TTPA: variants seen among roughly 807,000 people sequenced by gnomAD.
The protein encoded by TTPA is alpha-tocopherol transfer protein.
A neutral mutation model predicts 25.9 loss-of-function variants in TTPA; 23 were observed. The ratio of observed to expected loss-of-function variants is 0.89; its 90% CI spans 0.64 to 1.26. The LOEUF (loss-of-function observed/expected upper bound fraction) is 1.26. TTPA is among the 50% of genes most tolerant of loss of function. The pLI, the probability that TTPA is intolerant of heterozygous loss-of-function variation, is 0.00. For missense variants in TTPA, 337 were observed against 353.1 expected, an observed-to-expected ratio of 0.95 and a Z score of 0.37; for synonymous variants, 148 against 137.3, an observed-to-expected ratio of 1.08 and a Z score of -0.54.
intron 1 of TTPA, among the ~76,000 whole-genome samples, chr8:63,084,855 T>C (rs774751709): frequency 2.2e-4 from 33 of 152,382 alleles, no homozygotes; most frequent in Middle Eastern, 6.8e-3. Context: ...AGCCATTCTT[T>C]TGTTTCTTTA....
intron 1 of TTPA, among the ~76,000 whole-genome samples, chr8:63,084,757 G>A (rs35620994): frequency 0.16 from 23,836 of 152,074 alleles, 2,160 homozygotes; most frequent in Non-Finnish European, 0.21. Context: ...TACTTTTCAC[G>A]TTTTAGGATT....
chr8:63,076,862 A>G (rs1805569600), intron 1 of TTPA, among the ~76,000 whole-genome samples: 1 of 152,144 alleles, frequency 6.6e-6, no homozygotes, highest in Admixed American at 6.5e-5. Flanking sequence ...ATAGCCATCT[A>G]AAAAATGAAA....
At chr8:63,069,821 G>C (rs1805456615) in intron 2 of TTPA, among the ~76,000 whole-genome samples, 1 of 152,026 alleles carries the variant, frequency 6.6e-6, no homozygotes, top group South Asian at 2.1e-4. Flanking sequence ...GTCTATTGTA[G>C]AACAGTTTCA....
chr8:63,064,194 T>G lies in TTPA; in HGVS notation c.663+12A>C. The stretch of plus-strand genomic sequence containing the variant: ...GTGTAGAGGAACACAGACTTGAATA[T>G]ATTTTACTCACCCGTTCCTTAATTT... On this transcript the variant is annotated intron_variant, in intron 4 of 4. Transcript: ENST00000260116. 6.3e-7 allele frequency: 1 copy of G among 1,583,206 alleles called. No homozygotes were observed. Among genetic ancestry groups the G allele is most frequent in the Non-Finnish European group, 8.7e-7 (1 of 1,153,392 alleles).
intron 1 of TTPA, among the ~76,000 whole-genome samples, chr8:63,083,635 TA>T (rs11294384): frequency 0.31 from 43,193 of 138,326 alleles, 6,703 homozygotes; most frequent in South Asian, 0.57. Context: ...TAAAGTATAA[TA>T]AAAAAAAAAA....
In TTPA at chr8:63,061,227, G is replaced by A. The variant is rs749637195; in HGVS notation, c.*25C>T. ...ATATCACTCATGTATTTTTAGTTAG[G>A]AAGCCATTCACATGACATAACTTCT... On this transcript the variant is annotated 3_prime_UTR_variant, in exon 5 of 5. Coordinates refer to ENST00000260116, the MANE Select transcript of TTPA (RefSeq NM_000370.3). The A allele has an allele frequency of 1.1e-5, 17 of 1,609,358 alleles. No homozygotes were observed. Among genetic ancestry groups the A allele is most frequent in the Non-Finnish European group, 1.4e-5 (17 of 1,177,790 alleles).
Position 63,066,062 on chromosome 8 carries a change from C to T in TTPA, c.394G>A (p.Val132Ile), listed in dbSNP as rs555775890. The T allele has an allele frequency of 2.6e-5, 42 of 1,610,124 alleles. No homozygotes were observed. The highest frequency in any genetic ancestry group is 1.1e-4 in the South Asian group (10 of 90,842). The change falls in exon 3 of 5, where the codon GTA becomes ATA. Residue 132 changes from valine to isoleucine, a missense_variant. Val to Ile is a conservative substitution (Grantham distance 29, BLOSUM62 3). Transcript: ENST00000260116. ...GATGTGATTAGACTTACTCGAAATA[C>T]GTCATAAGCTGTAAAAACTTTGGGG... ...WDPKVFTAYDVFRVSLITSEL... is the reference protein window; with the variant it reads ...WDPKVFTAYDIFRVSLITSEL...
rs1805272319 is a variant in TTPA at position 63,059,798 on chromosome 8, T to TTATTTC, written c.*1453_*1454insGAAATA. The TTATTTC allele has an allele frequency of 6.6e-6, 1 of 152,086 alleles. No homozygotes were observed. Among genetic ancestry groups the TTATTTC allele is most frequent in the South Asian group, 2.1e-4 (1 of 4,828 alleles). 9.4% of individuals were successfully genotyped at this position (152,086 alleles called of 1,614,324 possible). Reference sequence around the variant, plus strand: ...TATTTATTTATTTTTATTTTTATTTTTTAATTTTTTTTGAGAACACATGGA... The same window carrying TTATTTC: ...TATTTATTTATTTTTATTTTTATTTTTATTTCTTAATTTTTTTTGAGAACACATGGA... On this transcript the variant is annotated 3_prime_UTR_variant, in exon 5 of 5. Coordinates refer to ENST00000260116, the MANE Select transcript of TTPA (RefSeq NM_000370.3).
chr8:63,080,429 C>T (rs142891778), intron 1 of TTPA, among the ~76,000 whole-genome samples: 2,595 of 152,174 alleles, frequency 0.017, 80 homozygotes, highest in African/African-American at 0.06. Flanking sequence ...GCTAGCAAGA[C>T]TAATAAAGAA....
intron 1 of TTPA, among the ~76,000 whole-genome samples, chr8:63,079,782 A>G (rs1280746457): frequency 1.3e-5 from 2 of 152,168 alleles, no homozygotes; most frequent in Non-Finnish European, 2.9e-5. Context: ...GTTAACGAGG[A>G]TATCCAGGAC....
intron 1 of TTPA, among the ~76,000 whole-genome samples, chr8:63,079,258 G>A (rs1585694671): frequency 6.6e-6 from 1 of 152,300 alleles, no homozygotes; most frequent in Non-Finnish European, 1.5e-5. Context: ...TCAATGCTAT[G>A]AAGCAACTGC....
chr8:63,069,815 A>G (rs1423238690), intron 2 of TTPA, among the ~76,000 whole-genome samples: 1 of 152,130 alleles, frequency 6.6e-6, no homozygotes, highest in Non-Finnish European at 1.5e-5. Context: ...AATAGTGTCT[A>G]TTGTAGAACA....
chr8:63,066,926 A>G (rs1805399836), intron 2 of TTPA, among the ~76,000 whole-genome samples: 1 of 152,104 alleles, frequency 6.6e-6, no homozygotes, highest in African/African-American at 2.4e-5. Context: ...AATAGAAGCC[A>G]GGTGCAGGTG....
intron 2 of TTPA, among the ~76,000 whole-genome samples, chr8:63,067,002 G>T (rs1197147229): frequency 6.6e-6 from 1 of 151,892 alleles, no homozygotes; most frequent in Non-Finnish European, 1.5e-5. Context: ...GAACACTGAA[G>T]CCCAGGAGTT....
rs1805301336 is a variant in TTPA, at chr8:63,061,257, G to A, written c.832C>T (p.Gln278Ter). ...CATTCACATGACATAACTTCTCATTGAATGCTCTCAGAAATGCTGCTGAGA... is the reference window on the plus strand; with the variant it reads ...CATTCACATGACATAACTTCTCATTAAATGCTCTCAGAAATGCTGCTGAGA... The part of the protein sequence containing the change: ...DYLSSISESI[Q>*] The change falls in exon 5 of 5, where the codon CAA (glutamine) becomes TAA (stop). Residue 278 changes from glutamine to a stop codon, truncating the protein, a stop_gained. Coordinates refer to ENST00000260116, the MANE Select transcript of TTPA (RefSeq NM_000370.3). LOFTEE classifies it high-confidence loss of function. The A allele has an allele frequency of 6.2e-7, 1 of 1,613,334 alleles. No homozygotes were observed. Among genetic ancestry groups the A allele is most frequent in the Non-Finnish European group, 8.5e-7 (1 of 1,179,862 alleles).
At chr8:63,072,265 T>TTTTGTTTGTTTGTTTG (rs150791305) in intron 2 of TTPA, among the ~76,000 whole-genome samples, 12 of 152,148 alleles carry the variant, frequency 7.9e-5, no homozygotes, top group African/African-American at 2.9e-4. Context: ...TCTGGTTGTT[T>TTTTGTTTGTTTGTTTG]TTTGTTTGTT....
intron 1 of TTPA, among the ~76,000 whole-genome samples, chr8:63,078,905 A>C (rs1467724293): frequency 6.6e-6 from 1 of 152,222 alleles, no homozygotes; most frequent in Non-Finnish European, 1.5e-5. Flanking sequence ...CAAGGTTGAA[A>C]TGAAGGAAGA....
rs1307557827 is a variant in TTPA, at chr8:63,064,255, G to A, written c.614C>T (p.Ala205Val). The A allele has an allele frequency of 1.5e-5, 25 of 1,613,006 alleles. No individual in the cohort carries two copies. The highest frequency in any genetic ancestry group is 2.0e-5 in the Non-Finnish European group (23 of 1,179,470). The change falls in exon 4 of 5, where the codon GCT (alanine) becomes GTT (valine). Residue 205 changes from alanine to valine, a missense_variant. Transcript: ENST00000260116. ...HLINEPVIFH[A>V]VFSMIKPFLT... ...GAATGGTTTGATCATGGAAAAGACA[G>A]CATGGAAAATTACTGGTTCATTTAT...
rs936304331 is a variant in TTPA at position 63,070,241 on chromosome 8, C to CA, written c.358+2693dup. Among the ~76,000 whole-genome samples the CA allele has an allele frequency of 2.0e-5, 3 of 152,042 alleles. 1 individual carries two copies. Among genetic ancestry groups the CA allele is most frequent in the African/African-American group, 7.2e-5 (3 of 41,396 alleles). ...CTGCTAGTAGTATACTATGGGATCT[C>CA]AAAAAACATAAAATTATATCCTACA... On this transcript the variant is annotated intron_variant, in intron 2 of 4. Coordinates refer to ENST00000260116, the MANE Select transcript of TTPA (RefSeq NM_000370.3).
Sources: gnomAD v4.1 joint callset for allele counts (sites outside exome capture counted in the v4.1 genomes callset) on GRCh38, gnomAD v4.1.1 for gene constraint, MANE v1.5 for transcripts, NCBI Gene and HGNC (gene_info 2026-07-23, HGNC 2026-07-21) for gene names.